The following GRM5 variants were observed in gnomAD, a reference collection of about 807,000 sequenced individuals.
The protein encoded by GRM5 is glutamate metabotropic receptor 5, also known as metabotropic glutamate receptor 5.
Under a neutral mutation model 83.1 loss-of-function variants are expected in GRM5, and 19 were observed. That is an observed-to-expected ratio of 0.23 (90% confidence interval 0.16 to 0.34). GRM5 has a LOEUF of 0.34. Ranked by LOEUF, GRM5 falls within the 10% of genes least tolerant of loss-of-function variation. GRM5 has a pLI of 1.00. For synonymous variants in GRM5, 675 were observed against 633.6 expected (o/e 1.07, Z -0.98); for missense variants, 1,160 against 1,588.3 (o/e 0.73, Z 4.58).
chr11:88,956,675 G>A (rs560570582), intron 2 of GRM5, among the ~76,000 whole-genome samples: 107 of 152,212 alleles, frequency 7.0e-4, no homozygotes, highest in African/African-American at 2.3e-3. Context: ...GCGCGGTGGC[G>A]GGGGCCTGTA....
chr11:88,692,088 G>A (rs957446525), intron 3 of GRM5, among the ~76,000 whole-genome samples: 2 of 152,084 alleles, frequency 1.3e-5, no homozygotes, highest in East Asian at 1.9e-4. Context: ...TCTTGTTAAT[G>A]CCTGCTAAAG....
intron 2 of GRM5, among the ~76,000 whole-genome samples, chr11:88,966,650 C>T (rs1487107460): frequency 6.6e-6 from 1 of 151,952 alleles, no homozygotes; most frequent in African/African-American, 2.4e-5. Context: ...TGTTATAGGC[C>T]ACTGGATCAT....
intron 3 of GRM5, among the ~76,000 whole-genome samples, chr11:88,777,743 T>C (rs1205497344): frequency 6.6e-6 from 1 of 152,202 alleles, no homozygotes; most frequent in Non-Finnish European, 1.5e-5. Context: ...CATACCCCAT[T>C]TGCCTGGGTA....
intron 4 of GRM5, among the ~76,000 whole-genome samples, chr11:88,642,313 C>T (rs773159511): frequency 1.3e-4 from 20 of 152,060 alleles, no homozygotes; most frequent in South Asian, 2.1e-4. Flanking sequence ...TGGACCAGGC[C>T]CACAAAAGCA....
intron 2 of GRM5, among the ~76,000 whole-genome samples, chr11:88,927,986 T>C (rs1945818193): frequency 1.3e-5 from 2 of 152,062 alleles, no homozygotes; most frequent in South Asian, 4.1e-4. Context: ...TAGCCCACCC[T>C]GTCCTTGGTT....
chr11:88,579,052 A>C (rs377000300), intron 7 of GRM5, among the ~76,000 whole-genome samples: 154 of 152,238 alleles, frequency 1.0e-3, no homozygotes, highest in African/African-American at 3.5e-3. Flanking sequence ...GATATTTTCA[A>C]TTTTCAAACT....
At chr11:89,061,737 GA>G (rs1403506821) in intron 1 of GRM5, among the ~76,000 whole-genome samples, 1 of 152,140 alleles carries the variant, frequency 6.6e-6, no homozygotes, top group Non-Finnish European at 1.5e-5. Context: ...GAAGAAAAGT[GA>G]AAAACTTGGA....
chr11:89,007,708 A>T (rs1409535455), intron 2 of GRM5, among the ~76,000 whole-genome samples: 1 of 152,196 alleles, frequency 6.6e-6, no homozygotes, highest in Non-Finnish European at 1.5e-5. Context: ...ATGTTTAAGA[A>T]CCTCTGGTAG....
chr11:89,027,261 A>G (rs1457922264), intron 2 of GRM5, among the ~76,000 whole-genome samples: 2 of 151,818 alleles, frequency 1.3e-5, no homozygotes, highest in African/African-American at 2.4e-5. Flanking sequence ...ACATCCAACA[A>G]ATTTTTGTAT....
intron 2 of GRM5, among the ~76,000 whole-genome samples, chr11:88,884,325 T>C (rs1259144949): frequency 6.6e-6 from 1 of 152,216 alleles, no homozygotes; most frequent in African/African-American, 2.4e-5. Flanking sequence ...GCATGGAGCC[T>C]GAAGCCCCTT....
At chr11:88,966,236 ATATT>A (rs1938957374) in intron 2 of GRM5, among the ~76,000 whole-genome samples, 1 of 152,112 alleles carries the variant, frequency 6.6e-6, no homozygotes, top group South Asian at 2.1e-4. Context: ...AGCTAAATAA[ATATT>A]TAGAGAGAAT....
Position 88,726,492 on chromosome 11 carries a change from C to T in GRM5, c.912-73089G>A, listed in dbSNP as rs529604450. Reference sequence around the variant, plus strand: ...AGGATATTATCCAGGAGAACTTCTCCAACCTAGGAAGACAGGCCAACATTC... The same window carrying T: ...AGGATATTATCCAGGAGAACTTCTCTAACCTAGGAAGACAGGCCAACATTC... On this transcript the variant is annotated intron_variant, in intron 3 of 9. Transcript: ENST00000305447. Among the ~76,000 whole-genome samples the T allele has an allele frequency of 4.3e-4, 66 of 152,250 alleles. No individual in the cohort carries two copies. In the South Asian group the frequency reaches 0.014, roughly 31 times the overall value.
At chr11:88,570,701 G>A (rs117796400) in intron 7 of GRM5, among the ~76,000 whole-genome samples, 5,468 of 147,280 alleles carry the variant, frequency 0.037, 135 homozygotes, top group South Asian at 0.077. Context: ...TGCCTCAGCC[G>A]CCTGAGCTGG....
chr11:88,791,416 A>G (rs1401110787), intron 3 of GRM5, among the ~76,000 whole-genome samples: 1 of 152,202 alleles, frequency 6.6e-6, no homozygotes. Context: ...AACTCCACAC[A>G]TAAAGACTGA....
intron 3 of GRM5, among the ~76,000 whole-genome samples, chr11:88,715,893 A>G (rs1941389476): frequency 1.3e-5 from 2 of 151,960 alleles, no homozygotes; most frequent in Admixed American, 6.6e-5. Context: ...GAATTAGACT[A>G]TCTGGGTTTG....
At chr11:88,845,619 G>T (rs1031027204) in intron 3 of GRM5, among the ~76,000 whole-genome samples, 1 of 151,698 alleles carries the variant, frequency 6.6e-6, no homozygotes, top group African/African-American at 2.4e-5. Context: ...ATTTTTAGTA[G>T]AGACGGGGTT....
At chr11:88,824,720 C>T (rs768520121) in intron 3 of GRM5, among the ~76,000 whole-genome samples, 12 of 152,208 alleles carry the variant, frequency 7.9e-5, no homozygotes, top group Non-Finnish European at 1.8e-4. Flanking sequence ...TGCTCACTTC[C>T]TGCTGTGTTG....
chr11:88,799,394 ACTAT>A (rs10568437), intron 3 of GRM5, among the ~76,000 whole-genome samples: 4,008 of 152,188 alleles, frequency 0.026, 175 homozygotes, highest in African/African-American at 0.09. Flanking sequence ...ATTTTTTGTA[ACTAT>A]CTATATATGT....
intron 4 of GRM5, among the ~76,000 whole-genome samples, chr11:88,623,357 T>C (rs1008364275): frequency 3.9e-5 from 6 of 152,176 alleles, no homozygotes; most frequent in Non-Finnish European, 8.8e-5. Flanking sequence ...CTTGAACTCC[T>C]GACCTCAGGT....
Sources: gnomAD v4.1 joint callset for allele counts (sites outside exome capture counted in the v4.1 genomes callset) on GRCh38, gnomAD v4.1.1 for gene constraint, MANE v1.5 for transcripts, NCBI Gene and HGNC (gene_info 2026-07-23, HGNC 2026-07-21) for gene names.